The following NDFIP2 variants were observed in gnomAD, a reference collection of about 807,000 sequenced individuals.
NDFIP2 encodes Nedd4 family interacting protein 2.
NDFIP2 carries 19 observed loss-of-function variants against 36.0 expected under a neutral mutation model. The ratio of observed to expected loss-of-function variants is 0.53; its 90% confidence interval spans 0.37 to 0.77. The LOEUF is 0.77. Among genes scored for constraint, NDFIP2 ranks in the 30% least tolerant of loss-of-function variants. NDFIP2 has a pLI of 0.00. For missense variants in NDFIP2, 446 were observed against 435.8 expected (o/e 1.02, Z -0.21); for synonymous variants, 181 against 167.7 (o/e 1.08, Z -0.61).
intron 3 of NDFIP2, among the ~76,000 whole-genome samples, chr13:79,538,331 C>T (rs528252791): frequency 6.6e-6 from 1 of 152,228 alleles, no homozygotes; most frequent in East Asian, 1.9e-4. Context: ...CCATGCCTTC[C>T]CAAGAGTCCC....
chr13:79,534,947 G>A (rs1875175070), intron 3 of NDFIP2, among the ~76,000 whole-genome samples: 1 of 152,180 alleles, frequency 6.6e-6, no homozygotes, highest in Non-Finnish European at 1.5e-5. Context: ...AGTTATGAAG[G>A]TAGATAAAGA....
At chr13:79,512,114 T>A (rs1874101213) in intron 1 of NDFIP2, among the ~76,000 whole-genome samples, 1 of 152,218 alleles carries the variant, frequency 6.6e-6, no homozygotes, top group African/African-American at 2.4e-5. Context: ...CTAATTTTTG[T>A]TACATGCAAA....
chr13:79,520,515 A>G (rs968411170), intron 1 of NDFIP2, among the ~76,000 whole-genome samples: 23 of 152,146 alleles, frequency 1.5e-4, no homozygotes, highest in Admixed American at 7.2e-4. Context: ...CTACTTTAGG[A>G]TCATATGAAT....
chr13:79,528,093 CA>C (rs1874870430), intron 2 of NDFIP2, among the ~76,000 whole-genome samples: 1 of 151,966 alleles, frequency 6.6e-6, no homozygotes, highest in African/African-American at 2.4e-5. Context: ...AAACCCTCAT[CA>C]ACAAAAAATA....
At chr13:79,505,606 G>A (rs1430643032) in intron 1 of NDFIP2, among the ~76,000 whole-genome samples, 2 of 151,438 alleles carry the variant, frequency 1.3e-5, no homozygotes, top group Non-Finnish European at 2.9e-5. Flanking sequence ...TCCAGCCTGG[G>A]CAACAGAGAA....
chr13:79,500,879 A>G (rs1220894917), intron 1 of NDFIP2, among the ~76,000 whole-genome samples: 2 of 152,094 alleles, frequency 1.3e-5, no homozygotes, highest in Non-Finnish European at 1.5e-5. Context: ...GTATGTTTAT[A>G]GTAGCTTTAT....
intron 2 of NDFIP2, among the ~76,000 whole-genome samples, chr13:79,532,274 A>G (rs1875046372): frequency 6.6e-6 from 1 of 152,240 alleles, no homozygotes; most frequent in Non-Finnish European, 1.5e-5. Context: ...TCAGTTTGTA[A>G]GAAACACAGT....
At chr13:79,551,354 G>A (rs962962356) in intron 7 of NDFIP2, among the ~76,000 whole-genome samples, 3 of 151,054 alleles carry the variant, frequency 2.0e-5, no homozygotes, top group African/African-American at 4.8e-5. Context: ...AATACATAGC[G>A]AGTGAACTGA....
At chr13:79,530,502 G>A (rs1420759290) in intron 2 of NDFIP2, among the ~76,000 whole-genome samples, 2 of 152,208 alleles carry the variant, frequency 1.3e-5, no homozygotes, top group Non-Finnish European at 2.9e-5. Flanking sequence ...ATTGTCTGTA[G>A]CATGCAGTGC....
chr13:79,530,954 C>T (rs1352068332), intron 2 of NDFIP2, among the ~76,000 whole-genome samples: 1 of 152,140 alleles, frequency 6.6e-6, no homozygotes, highest in Non-Finnish European at 1.5e-5. Flanking sequence ...GAATCCTTTC[C>T]AGAAGCTTTT....
At chr13:79,515,366 A>G (rs1290405263) in intron 1 of NDFIP2, among the ~76,000 whole-genome samples, 17 of 152,238 alleles carry the variant, frequency 1.1e-4, no homozygotes, top group Admixed American at 1.1e-3. Flanking sequence ...TATAAAATTT[A>G]AAACCACATC....
At chr13:79,533,232 A>C in intron 2 of NDFIP2, 91 bp from the exon 3 acceptor site, 2 of 1,147,052 alleles carry the variant, frequency 1.7e-6, no homozygotes, top group Non-Finnish European at 2.5e-6. Flanking sequence ...GTAGTCCTGT[A>C]TTGGTGGCCA....
chr13:79,537,590 A>T (rs1383479330), intron 3 of NDFIP2, among the ~76,000 whole-genome samples: 1 of 152,220 alleles, frequency 6.6e-6, no homozygotes, highest in Non-Finnish European at 1.5e-5. Context: ...TTTACCTATG[A>T]TATATGATTG....
intron 7 of NDFIP2, among the ~76,000 whole-genome samples, chr13:79,551,655 G>T (rs1003641389): frequency 6.6e-5 from 10 of 151,432 alleles, no homozygotes; most frequent in African/African-American, 2.4e-4. Context: ...AATGTGTGCT[G>T]ATTTTTTATC....
chr13:79,513,596 G>A (rs1874157902), intron 1 of NDFIP2, among the ~76,000 whole-genome samples: 1 of 152,142 alleles, frequency 6.6e-6, no homozygotes, highest in African/African-American at 2.4e-5. Context: ...GAGGGTGAGT[G>A]GAGCCCAGCA....
At chr13:79,549,661 T>G (rs1480747987) in intron 6 of NDFIP2, among the ~76,000 whole-genome samples, 1 of 151,966 alleles carries the variant, frequency 6.6e-6, no homozygotes, top group Non-Finnish European at 1.5e-5. Flanking sequence ...ACTGGGTGGC[T>G]TCTTTTAGAA....
At chr13:79,494,163 C>A (rs1436669137) in intron 1 of NDFIP2, among the ~76,000 whole-genome samples, 2 of 152,036 alleles carry the variant, frequency 1.3e-5, no homozygotes, top group Non-Finnish European at 2.9e-5. Flanking sequence ...TGTAGTCCTG[C>A]CTCTTGGGTT....
intron 1 of NDFIP2, among the ~76,000 whole-genome samples, chr13:79,506,866 T>G (rs1873887330): frequency 1.3e-5 from 2 of 152,106 alleles, no homozygotes; most frequent in Admixed American, 1.3e-4. Context: ...GAAAAATACC[T>G]TAAGATCTAG....
intron 5 of NDFIP2, among the ~76,000 whole-genome samples, chr13:79,544,195 CTTTTGAAA>C (rs902310857): frequency 5.3e-5 from 8 of 152,220 alleles, no homozygotes; most frequent in African/African-American, 1.9e-4. Flanking sequence ...TCACTGTTTT[CTTTTGAAA>C]ACATTGAGAG....
Sources: gnomAD v4.1 joint callset for allele counts (sites outside exome capture counted in the v4.1 genomes callset) on GRCh38, gnomAD v4.1.1 for gene constraint, MANE v1.5 for transcripts, NCBI Gene and HGNC (gene_info 2026-07-23, HGNC 2026-07-21) for gene names.